The following LOC400499 variants were observed in gnomAD, a reference collection of about 807,000 sequenced individuals.
chr16:11,379,676 G>T, the LOC400499 span, among the ~76,000 whole-genome samples: 2 of 152,224 alleles, frequency 1.3e-5, no homozygotes, highest in Admixed American at 6.5e-5. Context: ...CTTCCCGATG[G>T]GGAAGGACTT....
the LOC400499 span, among the ~76,000 whole-genome samples, chr16:11,459,520 T>C: frequency 1.6e-4 from 25 of 152,206 alleles, no homozygotes; most frequent in African/African-American, 5.5e-4. Context: ...TAAATAAACA[T>C]ACAAGGTTAA....
At chr16:11,426,047 T>G in the LOC400499 span, among the ~76,000 whole-genome samples, 1 of 152,148 alleles carries the variant, frequency 6.6e-6, no homozygotes, top group African/African-American at 2.4e-5. Context: ...GAAGTCCAAT[T>G]TAATTCACAC....
chr16:11,471,247 T>A, the LOC400499 span: 1 of 153,820 alleles, frequency 6.5e-6, no homozygotes, highest in Non-Finnish European at 1.4e-5. Flanking sequence ...GACAGAGGGG[T>A]AAGTAAAACC....
At chr16:11,422,445 A>T in the LOC400499 span, among the ~76,000 whole-genome samples, 2 of 152,112 alleles carry the variant, frequency 1.3e-5, no homozygotes, top group Non-Finnish European at 2.9e-5. Context: ...CGGAACGGAA[A>T]GGAAAGGAAA....
the LOC400499 span, among the ~76,000 whole-genome samples, chr16:11,442,839 C>G: frequency 6.6e-6 from 1 of 152,206 alleles, no homozygotes; most frequent in Non-Finnish European, 1.5e-5. Flanking sequence ...GGAGCCACTT[C>G]TGCAGGTGTC....
At chr16:11,382,085 C>T in the LOC400499 span, among the ~76,000 whole-genome samples, 39 of 152,020 alleles carry the variant, frequency 2.6e-4, no homozygotes, top group African/African-American at 8.9e-4. Flanking sequence ...TACAGGAGCC[C>T]GCCACCACAC....
chr16:11,512,805 G>A, the LOC400499 span, among the ~76,000 whole-genome samples: 1 of 152,166 alleles, frequency 6.6e-6, no homozygotes, highest in Admixed American at 6.5e-5. Context: ...TGGCAAGCCT[G>A]GATGCCCCCA....
At chr16:11,388,416 G>A in the LOC400499 span, among the ~76,000 whole-genome samples, 1 of 152,166 alleles carries the variant, frequency 6.6e-6, no homozygotes, top group African/African-American at 2.4e-5. Context: ...GGGAAACTGA[G>A]GCACAGAGCA....
the LOC400499 span, among the ~76,000 whole-genome samples, chr16:11,413,348 CT>C: frequency 6.6e-6 from 1 of 152,204 alleles, no homozygotes; most frequent in African/African-American, 2.4e-5. Flanking sequence ...TCCTGGCCCC[CT>C]GACCCCCTGG....
the LOC400499 span, chr16:11,399,317 A>G: frequency 3.5e-5 from 30 of 864,812 alleles, 1 homozygote; most frequent in South Asian, 1.3e-3. Context: ...ACCATTTCAC[A>G]GATGAGAACA....
the LOC400499 span, chr16:11,440,590 A>G: frequency 5.0e-6 from 2 of 397,514 alleles, no homozygotes; most frequent in East Asian, 3.6e-5. Context: ...CACTGCCAAA[A>G]TAAGGGCTGT....
chr16:11,486,454 C>G, the LOC400499 span, among the ~76,000 whole-genome samples: 1 of 124,580 alleles, frequency 8.0e-6, no homozygotes, highest in Non-Finnish European at 1.6e-5. Flanking sequence ...ATGAATGGTA[C>G]ATGGGTAGAC....
At chr16:11,522,861 C>A in the LOC400499 span, among the ~76,000 whole-genome samples, 1 of 152,016 alleles carries the variant, frequency 6.6e-6, no homozygotes, top group African/African-American at 2.4e-5. Context: ...AGAGTAACTG[C>A]TCTGGGGAAG....
chr16:11,404,861 GC>G, the LOC400499 span: 1 of 398,846 alleles, frequency 2.5e-6, no homozygotes, highest in Non-Finnish European at 4.4e-6. Context: ...TGGGAAGAGC[GC>G]TGAGCTGGAA....
the LOC400499 span, chr16:11,448,191 T>A: frequency 7.9e-7 from 1 of 1,258,598 alleles, no homozygotes; most frequent in Non-Finnish European, 1.1e-6. Context: ...CAGAAATGAC[T>A]ATCCGAGAAT....
chr16:11,413,432 G>C, the LOC400499 span, among the ~76,000 whole-genome samples: 1 of 152,152 alleles, frequency 6.6e-6, no homozygotes, highest in Non-Finnish European at 1.5e-5. Flanking sequence ...AGGAGGGTGT[G>C]AAAGAAGCAT....
chr16:11,472,028 T>G, the LOC400499 span: 1 of 389,338 alleles, frequency 2.6e-6, no homozygotes, highest in African/African-American at 2.1e-5. Flanking sequence ...CAGATCATCT[T>G]ATTTGGGGGC....
At chr16:11,474,724 C>T in the LOC400499 span, among the ~76,000 whole-genome samples, 1 of 149,704 alleles carries the variant, frequency 6.7e-6, no homozygotes, top group East Asian at 2.0e-4. Context: ...AAAAAATTAG[C>T]TGGGCAGGGT....
the LOC400499 span, among the ~76,000 whole-genome samples, chr16:11,415,997 C>T: frequency 9.3e-5 from 14 of 150,920 alleles, no homozygotes; most frequent in Non-Finnish European, 1.5e-4. Flanking sequence ...ACTCTGTGGC[C>T]CAGGCTGGAG....
Sources: allele counts gnomAD v4.1 joint callset (sites outside exome capture counted in the v4.1 genomes callset), GRCh38; gene constraint gnomAD v4.1.1; transcripts MANE v1.5.